The following PHACTR1 variants were observed in gnomAD, a reference collection of about 807,000 sequenced individuals.
The protein encoded by PHACTR1 is RPEL repeat containing 1.
A neutral mutation model predicts 69.2 loss-of-function variants in PHACTR1; 16 were observed. That is an observed-to-expected ratio of 0.23 (90% CI 0.16 to 0.35). PHACTR1 has a LOEUF of 0.35. Among genes scored for constraint, PHACTR1 ranks in the 10% least tolerant of loss-of-function variants. PHACTR1 has a pLI of 1.00. For missense variants in PHACTR1, 510 were observed against 734.7 expected (o/e 0.69, Z 3.54); for synonymous variants, 312 against 284.5 (o/e 1.10, Z -0.97).
intron 4 of PHACTR1, among the ~76,000 whole-genome samples, chr6:13,047,145 A>G (rs1474485307): frequency 1.3e-5 from 2 of 152,170 alleles, no homozygotes; most frequent in Non-Finnish European, 2.9e-5. Flanking sequence ...TGGGAGGCCA[A>G]GGTGGGCGGA....
At chr6:13,261,447 A>G (rs534449) in intron 10 of PHACTR1, among the ~76,000 whole-genome samples, 1 of 152,178 alleles carries the variant, frequency 6.6e-6, no homozygotes, top group Non-Finnish European at 1.5e-5. Context: ...TGCAGATGTC[A>G]TGGTGAACAA....
intron 10 of PHACTR1, among the ~76,000 whole-genome samples, chr6:13,244,677 A>G (rs1773342508): frequency 1.3e-5 from 2 of 152,244 alleles, no homozygotes; most frequent in Non-Finnish European, 2.9e-5. Context: ...GCTCACCGGC[A>G]GTCAGAGTTT....
intron 4 of PHACTR1, among the ~76,000 whole-genome samples, chr6:12,819,876 C>T (rs1776008131): frequency 6.6e-6 from 1 of 152,146 alleles, no homozygotes; most frequent in African/African-American, 2.4e-5. Flanking sequence ...CTCATTCTAG[C>T]TTATTCTTGG....
At chr6:12,827,010 A>G (rs1776872330) in intron 4 of PHACTR1, among the ~76,000 whole-genome samples, 1 of 152,122 alleles carries the variant, frequency 6.6e-6, no homozygotes, top group South Asian at 2.1e-4. Flanking sequence ...ACTTGTTGCA[A>G]TTCTGTGGGA....
chr6:13,151,727 A>C (rs2113454962), intron 5 of PHACTR1, among the ~76,000 whole-genome samples: 1 of 152,304 alleles, frequency 6.6e-6, no homozygotes, highest in East Asian at 1.9e-4. Flanking sequence ...GATTTCATTT[A>C]TGTTTTTAAA....
At chr6:12,796,527 T>C (rs1313097323) in intron 4 of PHACTR1, among the ~76,000 whole-genome samples, 1 of 152,250 alleles carries the variant, frequency 6.6e-6, no homozygotes, top group Non-Finnish European at 1.5e-5. Flanking sequence ...ATTTTTTGAC[T>C]TGTGGTCTTT....
intron 5 of PHACTR1, among the ~76,000 whole-genome samples, chr6:13,150,416 A>G (rs1398656541): frequency 6.6e-6 from 1 of 152,156 alleles, no homozygotes; most frequent in African/African-American, 2.4e-5. Context: ...TTGGATTATC[A>G]AGTAATTGAA....
At chr6:13,279,581 C>G (rs184759697) in intron 12 of PHACTR1, 8 of 152,226 alleles carry the variant, frequency 5.3e-5, no homozygotes, top group Admixed American at 2.6e-4. Flanking sequence ...ACTTTCCCTG[C>G]GAGCATCCCA....
At chr6:13,286,030 C>G in intron 13 of PHACTR1, 116 bp from the exon 14 acceptor site, 1 of 836,390 alleles carries the variant, frequency 1.2e-6, no homozygotes, top group Non-Finnish European at 1.8e-6. Context: ...AAGAATCCAT[C>G]TTAAACTTGT....
At chr6:12,763,378 T>C (rs1768255089) in intron 4 of PHACTR1, among the ~76,000 whole-genome samples, 1 of 152,236 alleles carries the variant, frequency 6.6e-6, no homozygotes, top group Admixed American at 6.5e-5. Flanking sequence ...TTCATTGGCC[T>C]CTGGGTTACG....
chr6:13,226,247 A>G (rs538397350), intron 8 of PHACTR1, among the ~76,000 whole-genome samples: 243 of 152,346 alleles, frequency 1.6e-3, no homozygotes, highest in Non-Finnish European at 2.7e-3. Flanking sequence ...TGTGAAAAAT[A>G]CAAAGAGAAA....
chr6:12,971,433 T>C (rs1045771897), intron 4 of PHACTR1, among the ~76,000 whole-genome samples: 2 of 152,168 alleles, frequency 1.3e-5, no homozygotes, highest in African/African-American at 4.8e-5. Flanking sequence ...CGACTAAAAG[T>C]AATTACAGTT....
chr6:13,220,092 C>T (rs1405920303), intron 8 of PHACTR1, among the ~76,000 whole-genome samples: 2 of 152,180 alleles, frequency 1.3e-5, no homozygotes, highest in East Asian at 1.9e-4. Context: ...ATTTACAACA[C>T]GCTTTCATAG....
At chr6:13,112,128 A>G (rs941205161) in intron 5 of PHACTR1, among the ~76,000 whole-genome samples, 1 of 152,098 alleles carries the variant, frequency 6.6e-6, no homozygotes, top group Non-Finnish European at 1.5e-5. Context: ...AACATGCCGT[A>G]TTTGGTTTTC....
chr6:12,887,796 C>T (rs967715057), intron 4 of PHACTR1, among the ~76,000 whole-genome samples: 4 of 151,960 alleles, frequency 2.6e-5, no homozygotes, highest in East Asian at 3.9e-4. Context: ...TGGCCAGGCA[C>T]GGTGTCTCAC....
At chr6:12,970,091 C>T (rs1794007751) in intron 4 of PHACTR1, among the ~76,000 whole-genome samples, 1 of 152,212 alleles carries the variant, frequency 6.6e-6, no homozygotes, top group African/African-American at 2.4e-5. Flanking sequence ...TTAACTGCGT[C>T]CTGATGGATC....
chr6:12,988,328 T>C (rs146000692), intron 4 of PHACTR1, among the ~76,000 whole-genome samples: 2 of 152,252 alleles, frequency 1.3e-5, no homozygotes, highest in Admixed American at 6.5e-5. Context: ...CAAAGTGTTA[T>C]GTGGCACGAA....
At chr6:13,109,419 T>C (rs1470624922) in intron 5 of PHACTR1, among the ~76,000 whole-genome samples, 1 of 151,826 alleles carries the variant, frequency 6.6e-6, no homozygotes, top group Non-Finnish European at 1.5e-5. Flanking sequence ...TATAGAATTA[T>C]AGGTGATTTT....
intron 4 of PHACTR1, among the ~76,000 whole-genome samples, chr6:12,845,436 C>CCCCCCCCCCCCCCCCCCT (rs1779148278): frequency 1.8e-5 from 1 of 55,726 alleles, no homozygotes; most frequent in Non-Finnish European, 4.5e-5. Context: ...CCCACCCCCC[C>CCCCCCCCCCCCCCCCCCT]CCCCCCCGCC....
Sources: gnomAD v4.1 joint callset for allele counts (sites outside exome capture counted in the v4.1 genomes callset) on GRCh38, gnomAD v4.1.1 for gene constraint, MANE v1.5 for transcripts, NCBI Gene and HGNC (gene_info 2026-07-23, HGNC 2026-07-21) for gene names.